Variants in TRPM3 observed in about 807,000 individuals in gnomAD.
TRPM3 encodes the protein long transient receptor potential channel 3.
A neutral mutation model predicts 181.2 loss-of-function variants in TRPM3; 77 were observed. The observed-to-expected ratio is 0.42, with a 90% CI of 0.35 to 0.51. The LOEUF (loss-of-function observed/expected upper bound fraction) is 0.51. Among genes scored for constraint, TRPM3 ranks in the 20% least tolerant of loss-of-function variants. TRPM3 has a pLI of 0.01. For synonymous variants in TRPM3, 745 were observed against 796.4 expected (o/e 0.94, Z 1.09); for missense variants, 1,759 against 2,196.7 (o/e 0.80, Z 3.98).
intron 8 of TRPM3, among the ~76,000 whole-genome samples, chr9:70,742,271 GTTTA>G (rs1345137793): frequency 6.6e-6 from 1 of 151,738 alleles, no homozygotes; most frequent in Non-Finnish European, 1.5e-5. Context: ...TTTCTCATGT[GTTTA>G]TTTATTTTCT....
intron 18 of TRPM3, 112 bp downstream of exon 18, chr9:70,615,795 GA>G: frequency 9.0e-7 from 1 of 1,105,366 alleles, no homozygotes; most frequent in Non-Finnish European, 1.3e-6. Flanking sequence ...AAACCTGGTG[GA>G]AGGCTGGGAA....
chr9:70,997,325 AG>A (rs2097549441), intron 1 of TRPM3, among the ~76,000 whole-genome samples: 1 of 152,120 alleles, frequency 6.6e-6, no homozygotes, highest in South Asian at 2.1e-4. Flanking sequence ...CCTCCTGAGT[AG>A]CTGGGACTAC....
chr9:71,075,205 T>C (rs1191764487), intron 1 of TRPM3, among the ~76,000 whole-genome samples: 1 of 152,204 alleles, frequency 6.6e-6, no homozygotes, highest in African/African-American at 2.4e-5. Flanking sequence ...TCCTTAGATT[T>C]CTTTTCTCCT....
intron 8 of TRPM3, among the ~76,000 whole-genome samples, chr9:70,749,052 G>A (rs1352883702): frequency 6.6e-6 from 1 of 151,796 alleles, no homozygotes; most frequent in Non-Finnish European, 1.5e-5. Flanking sequence ...TTTTTGTGGA[G>A]ATAGGGTTTT....
At chr9:70,762,698 T>G (rs768890963) in intron 7 of TRPM3, among the ~76,000 whole-genome samples, 2 of 152,222 alleles carry the variant, frequency 1.3e-5, no homozygotes, top group African/African-American at 2.4e-5. Context: ...AGTTGCTGAT[T>G]ACAGGAACTC....
At chr9:71,183,786 A>G (rs2077529184) in intron 1 of TRPM3, among the ~76,000 whole-genome samples, 1 of 152,118 alleles carries the variant, frequency 6.6e-6, no homozygotes, top group African/African-American at 2.4e-5. Flanking sequence ...CAATTCTTTA[A>G]CAGGTACATC....
rs770161268 is a variant in TRPM3 at position 70,923,889 on chromosome 9, CAT to C, written c.178-59380_178-59379del. Among the ~76,000 whole-genome samples the C allele has an allele frequency of 3.7e-3, 541 of 146,124 alleles. 6 individuals carry two copies. The highest frequency in any genetic ancestry group is 0.011 in the African/African-American group (451 of 40,232). ...ATATATACATATATATACACACACA[CAT>C]ATATACATACACACACACATATATA... On this transcript the variant is annotated intron_variant, in intron 1 of 25. Transcript: ENST00000677713.
At chr9:71,433,925 G>A (rs1332465207) in intron 1 of TRPM3, among the ~76,000 whole-genome samples, 1 of 152,158 alleles carries the variant, frequency 6.6e-6, no homozygotes, top group African/African-American at 2.4e-5. Context: ...GAAGGCCAAG[G>A]TGGGCAGATC....
chr9:70,974,863 A>ATTTTTTTTTTTC (rs2097287148), intron 1 of TRPM3, among the ~76,000 whole-genome samples: 1 of 117,980 alleles, frequency 8.5e-6, no homozygotes, highest in South Asian at 2.9e-4. Context: ...TGGAACATCA[A>ATTTTTTTTTTTC]TTTTTTTTTT....
At chr9:70,864,707 TA>T (rs1012119089) in intron 1 of TRPM3, among the ~76,000 whole-genome samples, 196 bp from the exon 2 acceptor site, 41 of 152,012 alleles carry the variant, frequency 2.7e-4, no homozygotes, top group African/African-American at 9.4e-4. Context: ...ACCTGCTGAT[TA>T]GATTATTTAA....
intron 1 of TRPM3, among the ~76,000 whole-genome samples, chr9:71,300,525 C>T (rs1554868533): frequency 6.6e-6 from 1 of 151,642 alleles, no homozygotes. Flanking sequence ...TTTTTTTTAA[C>T]TCAGTACTGT....
chr9:71,337,399 T>C (rs2090633963), intron 1 of TRPM3, among the ~76,000 whole-genome samples: 2 of 152,154 alleles, frequency 1.3e-5, no homozygotes, highest in South Asian at 2.1e-4. Flanking sequence ...CCAGTTAGAA[T>C]GGCAATCATT....
At chr9:70,946,714 C>A (rs1291505886) in intron 1 of TRPM3, among the ~76,000 whole-genome samples, 2 of 152,108 alleles carry the variant, frequency 1.3e-5, no homozygotes, top group African/African-American at 2.4e-5. Flanking sequence ...TCCTCATCCT[C>A]CTTTCCAGTC....
At chr9:70,842,906 A>G (rs1387959399) in intron 5 of TRPM3, 97 bp downstream of exon 5, 16 of 1,248,254 alleles carry the variant, frequency 1.3e-5, no homozygotes, top group Non-Finnish European at 1.8e-5. Flanking sequence ...GACCCAAAGA[A>G]TACTATAATG....
At chr9:71,040,799 C>G (rs973572942) in intron 1 of TRPM3, among the ~76,000 whole-genome samples, 15 of 152,062 alleles carry the variant, frequency 9.9e-5, no homozygotes, top group Non-Finnish European at 2.2e-4. Flanking sequence ...CATGGCACTT[C>G]TGGGGCAAAA....
intron 1 of TRPM3, among the ~76,000 whole-genome samples, chr9:70,900,586 A>T (rs2096370647): frequency 6.6e-6 from 1 of 152,226 alleles, no homozygotes; most frequent in Non-Finnish European, 1.5e-5. Flanking sequence ...GTATTCACAA[A>T]TACTTTGTAA....
intron 1 of TRPM3, among the ~76,000 whole-genome samples, chr9:71,103,919 C>CT (rs201494267): frequency 0.068 from 9,808 of 145,122 alleles, 361 homozygotes; most frequent in African/African-American, 0.098. Flanking sequence ...TGCAGCAATC[C>CT]TTTTTTTTTT....
intron 6 of TRPM3, among the ~76,000 whole-genome samples, chr9:70,821,499 CAT>C (rs932294659): frequency 1.3e-5 from 2 of 152,164 alleles, no homozygotes; most frequent in East Asian, 1.9e-4. Flanking sequence ...TAAGCTAACA[CAT>C]GTTTATTAAG....
At chr9:71,222,038 T>C (rs1370688458) in intron 1 of TRPM3, among the ~76,000 whole-genome samples, 1 of 152,214 alleles carries the variant, frequency 6.6e-6, no homozygotes, top group Non-Finnish European at 1.5e-5. Context: ...GCAAGAATTA[T>C]GTTTAATTCA....
Sources: gnomAD v4.1 joint callset for allele counts (sites outside exome capture counted in the v4.1 genomes callset) on GRCh38, gnomAD v4.1.1 for gene constraint, MANE v1.5 for transcripts, NCBI Gene and HGNC (gene_info 2026-07-23, HGNC 2026-07-21) for gene names.